Variants in PDE4D observed in about 807,000 individuals in gnomAD.
PDE4D encodes 3',5'-cyclic-AMP phosphodiesterase 4D.
In PDE4D, 24 loss-of-function variants were observed where a neutral mutation model predicts 87.4. The observed-to-expected ratio is 0.27, with a 90% confidence interval of 0.20 to 0.39. The LOEUF (loss-of-function observed/expected upper bound fraction) is 0.39. Among genes scored for constraint, PDE4D ranks in the 10% least tolerant of loss-of-function variants. The pLI, the probability that PDE4D is intolerant of heterozygous loss-of-function variation, is 1.00. For synonymous variants in PDE4D, 384 were observed against 383.2 expected (o/e 1.00, Z -0.02); for missense variants, 714 against 1,041.0 (o/e 0.69, Z 4.32).
chr5:59,172,027 A>G (rs1200207631), intron 5 of PDE4D, among the ~76,000 whole-genome samples: 3 of 9,148 alleles, frequency 3.3e-4, no homozygotes, highest in African/African-American at 1.6e-3. Flanking sequence ...TATATATAAT[A>G]AATATATATT....
chr5:59,897,680 G>C (rs1373854704), upstream of PDE4D, among the ~76,000 whole-genome samples: 5 of 151,910 alleles, frequency 3.3e-5, no homozygotes, highest in Non-Finnish European at 7.4e-5. Context: ...CAAGTCAATG[G>C]GAGGAAGATT....
chr5:59,505,422 G>A (rs1208497301), intron 1 of PDE4D, among the ~76,000 whole-genome samples: 1 of 152,170 alleles, frequency 6.6e-6, no homozygotes. Flanking sequence ...CAATATAAGG[G>A]TATGTGGTAT....
intron 1 of PDE4D, among the ~76,000 whole-genome samples, chr5:59,439,690 G>A (rs1369719171): frequency 1.3e-5 from 2 of 152,138 alleles, no homozygotes; most frequent in African/African-American, 4.8e-5. Context: ...AATACAGCAG[G>A]GAAGGAGCCC....
intron 1 of PDE4D, among the ~76,000 whole-genome samples, chr5:60,445,677 T>C (rs1745589458): frequency 6.6e-6 from 1 of 152,230 alleles, no homozygotes; most frequent in African/African-American, 2.4e-5. Flanking sequence ...TCAGAGGGTA[T>C]AAAGTTCCAG....
intron 1 of PDE4D, among the ~76,000 whole-genome samples, chr5:60,474,070 G>A (rs1366080133): frequency 2.3e-5 from 3 of 131,434 alleles, no homozygotes; most frequent in Non-Finnish European, 3.2e-5. Context: ...GTTGACCTCT[G>A]TGTCTGGCTT....
intron 6 of PDE4D, among the ~76,000 whole-genome samples, chr5:59,010,075 T>C (rs1580264530): frequency 6.6e-6 from 1 of 152,166 alleles, no homozygotes; most frequent in African/African-American, 2.4e-5. Flanking sequence ...CCTGTAATCC[T>C]AGCACTTTAG....
chr5:60,055,957 G>A (rs1770732125), intron 2 of PDE4D, among the ~76,000 whole-genome samples: 1 of 152,002 alleles, frequency 6.6e-6, no homozygotes, highest in Non-Finnish European at 1.5e-5. Context: ...GGGAAGAAAG[G>A]AAAGAAAGAC....
chr5:59,679,767 G>A (rs921685344), intron 1 of PDE4D, among the ~76,000 whole-genome samples: 3 of 152,004 alleles, frequency 2.0e-5, no homozygotes, highest in African/African-American at 4.8e-5. Context: ...CTTATAACAA[G>A]ACTAAGTATA....
At chr5:59,391,780 G>C (rs901636994) in intron 1 of PDE4D, among the ~76,000 whole-genome samples, 1 of 151,702 alleles carries the variant, frequency 6.6e-6, no homozygotes, top group Non-Finnish European at 1.5e-5. Context: ...CTTCATGTTT[G>C]CTCACATGCT....
At chr5:59,926,996 G>A (rs944874091) in intron 3 of PDE4D, among the ~76,000 whole-genome samples, 2 of 152,074 alleles carry the variant, frequency 1.3e-5, no homozygotes, top group South Asian at 4.1e-4. Context: ...GAAGAGGAGA[G>A]AATACTTCCA....
chr5:59,216,830 C>T (rs986458314), intron 1 of PDE4D: 2 of 167,258 alleles, frequency 1.2e-5, no homozygotes, highest in Non-Finnish European at 1.3e-5. Context: ...GAAAGGCTAC[C>T]CTGGTACATC....
At chr5:60,204,536 A>C (rs190237259) in intron 1 of PDE4D, among the ~76,000 whole-genome samples, 216 of 152,340 alleles carry the variant, frequency 1.4e-3, no homozygotes, top group South Asian at 4.1e-3. Context: ...TTAGTTCTTC[A>C]AAATCAATGG....
intron 1 of PDE4D, among the ~76,000 whole-genome samples, chr5:60,322,367 TACACACACAC>T (rs60232413): frequency 0.045 from 5,952 of 132,770 alleles, 310 homozygotes; most frequent in African/African-American, 0.13. Context: ...TGGACACACA[TACACACACAC>T]ACACACACAC....
At chr5:59,758,446 C>T (rs1761556016) in intron 1 of PDE4D, among the ~76,000 whole-genome samples, 1 of 152,118 alleles carries the variant, frequency 6.6e-6, no homozygotes, top group South Asian at 2.1e-4. Context: ...TTCAAGATCT[C>T]CTTTTGAGAA....
chr5:60,401,071 G>C (rs1365927468), intron 1 of PDE4D, among the ~76,000 whole-genome samples: 1 of 152,158 alleles, frequency 6.6e-6, no homozygotes, highest in Admixed American at 6.5e-5. Flanking sequence ...GGGTAGTTTT[G>C]TAAACTTGGT....
intron 1 of PDE4D, among the ~76,000 whole-genome samples, chr5:60,428,430 G>A (rs1422514517): frequency 6.6e-6 from 1 of 152,150 alleles, no homozygotes. Flanking sequence ...GATACCTGGT[G>A]TTTAGTGGAA....
chr5:60,236,705 C>T (rs1179414544), intron 1 of PDE4D, among the ~76,000 whole-genome samples: 1 of 151,794 alleles, frequency 6.6e-6, no homozygotes, highest in Non-Finnish European at 1.5e-5. Context: ...GTGGAAGACC[C>T]AGGCAGAAGA....
intron 3 of PDE4D, among the ~76,000 whole-genome samples, chr5:59,901,923 AACACAC>A (rs59453461): frequency 0.025 from 3,362 of 134,248 alleles, 57 homozygotes; most frequent in East Asian, 0.032. Flanking sequence ...CTTACATGCA[AACACAC>A]ACACACACAC....
intron 2 of PDE4D, among the ~76,000 whole-genome samples, chr5:60,182,112 G>A (rs557750467): frequency 6.6e-6 from 1 of 152,210 alleles, no homozygotes; most frequent in African/African-American, 2.4e-5. Context: ...ACCTGTCATT[G>A]GATTAGATGT....
Sources: allele counts gnomAD v4.1 joint callset (sites outside exome capture counted in the v4.1 genomes callset), GRCh38; gene constraint gnomAD v4.1.1; transcripts MANE v1.5; gene names NCBI Gene and HGNC (gene_info 2026-07-23, HGNC 2026-07-21).